Variants in ADGRB1 observed in about 807,000 individuals in gnomAD.
ADGRB1 encodes brain-specific angiogenesis inhibitor 1.
ADGRB1 carries 36 observed loss-of-function variants against 175.7 expected under a neutral mutation model. That is an observed-to-expected ratio of 0.20 (90% CI 0.16 to 0.27). The LOEUF (loss-of-function observed/expected upper bound fraction) is 0.27. Among genes scored for constraint, ADGRB1 ranks in the 10% least tolerant of loss-of-function variants. The pLI, the probability that ADGRB1 is intolerant of heterozygous loss-of-function variation, is 1.00. For synonymous variants in ADGRB1, 1,054 were observed against 979.4 expected, an observed-to-expected ratio of 1.08 and a Z score of -1.42; for missense variants, 1,731 against 2,255.3, an observed-to-expected ratio of 0.77 and a Z score of 4.71.
chr8:142,479,657 C>T, intron 8 of ADGRB1, 36 bp from the exon 9 acceptor site: 1 of 1,599,736 alleles, frequency 6.3e-7, no homozygotes, highest in Non-Finnish European at 8.5e-7. Context: ...GCTCTCAGTA[C>T]CCCTTCCTGA....
chr8:142,544,148 T>C, intron 30 of ADGRB1, 72 bp from the exon 31 acceptor site: 2 of 1,478,790 alleles, frequency 1.4e-6, no homozygotes, highest in Non-Finnish European at 1.8e-6. Flanking sequence ...GTCTGCCTCC[T>C]CCCCCCTACT....
chr8:142,464,323 C>G lies in ADGRB1; in HGVS notation c.125C>G (p.Pro42Arg), dbSNP rs542915109. The G allele has an allele frequency of 6.7e-7, 1 of 1,492,718 alleles. No homozygotes were observed. The highest frequency in any genetic ancestry group is 1.3e-5 in the South Asian group (1 of 77,734). 92.5% of individuals were successfully genotyped at this position (1,492,718 alleles called of 1,614,324 possible). ...GCAGACGCGGGGCCCGGGCCCGAGC[C>G]GTGCGCCACGCTGGTGCAGGGAAAG... ...AGADAGPGPE[P>R]CATLVQGKFF... The change falls in exon 2 of 31, where the codon CCG becomes CGG. Residue 42 changes from proline (P) to arginine (R), a missense_variant. By Grantham distance (103) the Pro-to-Arg change is moderately radical. Transcript: ENST00000517894.
At chr8:142,476,504 C>G in intron 3 of ADGRB1, 81 bp from the exon 4 acceptor site, 14 of 1,335,440 alleles carry the variant, frequency 1.0e-5, no homozygotes, top group Non-Finnish European at 1.5e-5. Flanking sequence ...CCAGTGCTGC[C>G]GAACTCAGAG....
chr8:142,472,110 A>C (rs1478152590), intron 2 of ADGRB1, among the ~76,000 whole-genome samples: 2 of 152,192 alleles, frequency 1.3e-5, no homozygotes, highest in African/African-American at 4.8e-5. Context: ...AGAAGTGCAC[A>C]GCTCTCCTCC....
rs1378390797 is a variant in ADGRB1 at position 142,504,345 on chromosome 8, G to C, written c.2676-6587G>C. Among the ~76,000 whole-genome samples, 1 of 152,216 alleles carries C rather than the reference G, an allele frequency of 6.6e-6. No homozygotes were observed. The highest frequency in any genetic ancestry group is 1.5e-5 in the Non-Finnish European group (1 of 68,018). On this transcript the variant is annotated intron_variant, in intron 17 of 30. Transcript: ENST00000517894. The surrounding 1 kb of genome is among the most constrained non-coding windows in gnomAD (Gnocchi z 5.6). ...GTGGCCAGGGGACCAGCCAGGACCA[G>C]GGCCTGGAGGCAGCAGAGGGCGTGT...
At chr8:142,471,123 C>CT (rs1840639407) in intron 2 of ADGRB1, among the ~76,000 whole-genome samples, 1 of 152,164 alleles carries the variant, frequency 6.6e-6, no homozygotes, top group African/African-American at 2.4e-5. Flanking sequence ...GAGAGCCACT[C>CT]TTTTTGCACA....
chr8:142,529,149 CCTCCCTGTGAGTGCA>C (rs1315123343), intron 24 of ADGRB1, among the ~76,000 whole-genome samples: 2 of 152,066 alleles, frequency 1.3e-5, no homozygotes, highest in East Asian at 3.9e-4. Flanking sequence ...GGGAAGCCTC[CCTCCCTGTGAGTGCA>C]CATGAGCACA....
rs1210745299 is a variant in ADGRB1 at position 142,464,778 on chromosome 8, G to C, written c.580G>C (p.Asp194His). Residue 194 changes from aspartate (D) to histidine (H), a missense_variant, in exon 2 of 31, where the codon GAC becomes CAC. Coordinates refer to ENST00000517894, the MANE Select transcript of ADGRB1 (RefSeq NM_001702.3). ...AACQMLCRWL[D>H]ACLAGSRSSH... ...CTGCCAGATGCTGTGCCGCTGGCTG[G>C]ACGCGTGTCTGGCCGGTAGTCGCAG... The C allele has an allele frequency of 1.3e-6, 2 of 1,535,234 alleles. No homozygotes were observed. Among genetic ancestry groups the C allele is most frequent in the Non-Finnish European group, 1.7e-6 (2 of 1,145,752 alleles).
intron 1 of ADGRB1, among the ~76,000 whole-genome samples, chr8:142,461,331 C>T (rs1324199739): frequency 6.6e-6 from 1 of 151,914 alleles, no homozygotes; most frequent in Non-Finnish European, 1.5e-5. Flanking sequence ...TGGCACACAT[C>T]CTATCTCCCT....
At chr8:142,494,234 T>C (rs956526182) in intron 17 of ADGRB1, among the ~76,000 whole-genome samples, 4 of 151,976 alleles carry the variant, frequency 2.6e-5, no homozygotes, top group South Asian at 2.1e-4. Context: ...GTTCACACAC[T>C]GAGTTCTGAT....
intron 25 of ADGRB1, 70 bp downstream of exon 25, chr8:142,533,536 C>T: frequency 6.8e-7 from 1 of 1,477,080 alleles, no homozygotes; most frequent in South Asian, 1.3e-5. Context: ...CCTCCTCCTT[C>T]CCCGAGGACC....
chr8:142,531,938 G>A (rs976836450), intron 24 of ADGRB1, among the ~76,000 whole-genome samples: 1 of 152,134 alleles, frequency 6.6e-6, no homozygotes, highest in African/African-American at 2.4e-5. Context: ...CACTAGGGGT[G>A]GGAGCAGCAT....
chr8:142,454,554 G>A (rs1463373730), intron 1 of ADGRB1, among the ~76,000 whole-genome samples: 1 of 152,222 alleles, frequency 6.6e-6, no homozygotes, highest in African/African-American at 2.4e-5. Context: ...CAGCCTGGAT[G>A]TTCATGTCCA....
intron 16 of ADGRB1, 34 bp from the exon 17 acceptor site, chr8:142,490,738 C>T (rs895623202): frequency 6.4e-7 from 1 of 1,560,800 alleles, no homozygotes; most frequent in Non-Finnish European, 8.7e-7. Context: ...GTCCTGGCTG[C>T]CAGGGGCCCT....
intron 24 of ADGRB1, among the ~76,000 whole-genome samples, chr8:142,528,143 A>C (rs547693301): frequency 7.9e-4 from 121 of 152,346 alleles, no homozygotes; most frequent in Admixed American, 1.6e-3. Flanking sequence ...GCATGGGCAC[A>C]CACACGTGGG....
intron 1 of ADGRB1, among the ~76,000 whole-genome samples, chr8:142,453,414 C>T (rs1364568599): frequency 6.6e-6 from 1 of 152,200 alleles, no homozygotes; most frequent in Non-Finnish European, 1.5e-5. Context: ...AACTCCAACA[C>T]CTGACCCTCA....
chr8:142,496,372 AT>A (rs1842217715), intron 17 of ADGRB1, among the ~76,000 whole-genome samples: 1 of 147,806 alleles, frequency 6.8e-6, no homozygotes, highest in Non-Finnish European at 1.5e-5. Context: ...AGGTGGGTGG[AT>A]AGGTGTGTGG....
intron 27 of ADGRB1, among the ~76,000 whole-genome samples, chr8:142,540,362 G>A (rs1459108272): frequency 6.6e-6 from 1 of 152,270 alleles, no homozygotes; most frequent in African/African-American, 2.4e-5. Context: ...CCTCTCAGAG[G>A]GGTGACCCTA....
intron 1 of ADGRB1, among the ~76,000 whole-genome samples, chr8:142,451,368 T>C (rs1427260161): frequency 6.6e-6 from 1 of 152,164 alleles, no homozygotes; most frequent in Non-Finnish European, 1.5e-5. Flanking sequence ...TCTAAGTTTC[T>C]TGGAGCGCAG....
Sources: gnomAD v4.1 joint callset for allele counts (sites outside exome capture counted in the v4.1 genomes callset) on GRCh38, gnomAD v4.1.1 for gene constraint, Gnocchi (gnomAD v3.1) non-coding constraint, MANE v1.5 for transcripts, NCBI Gene and HGNC (gene_info 2026-07-23, HGNC 2026-07-21) for gene names.